Variants in SLC6A15 observed in about 807,000 individuals in gnomAD.
SLC6A15 encodes solute carrier family 6 member 15.
In SLC6A15, 33 loss-of-function variants were observed where a neutral mutation model predicts 68.5. The ratio of observed to expected loss-of-function variants is 0.48; its 90% CI spans 0.37 to 0.64. The LOEUF (loss-of-function observed/expected upper bound fraction) is 0.64, where lower values mean the gene tolerates loss of function less well. SLC6A15 is among the 30% of genes least tolerant of loss of function. SLC6A15 has a pLI of 0.00. For synonymous variants in SLC6A15, 347 were observed against 301.0 expected, an observed-to-expected ratio of 1.15 and a Z score of -1.58; for missense variants, 747 against 874.3, an observed-to-expected ratio of 0.85 and a Z score of 1.84.
chr12:84,886,256 A>C (rs1479990859), intron 2 of SLC6A15, among the ~76,000 whole-genome samples, 188 bp from the exon 3 acceptor site: 1 of 152,148 alleles, frequency 6.6e-6, no homozygotes, highest in African/African-American at 2.4e-5. Context: ...TTCTACAAAG[A>C]GTTTCTGATA....
chr12:84,898,955 C>T (rs1182613941), intron 1 of SLC6A15, among the ~76,000 whole-genome samples: 3 of 152,260 alleles, frequency 2.0e-5, no homozygotes, highest in Middle Eastern at 6.8e-3. Flanking sequence ...ATCAGTTGTT[C>T]TTGAATTCGG....
intron 1 of SLC6A15, among the ~76,000 whole-genome samples, chr12:84,908,537 T>C (rs1405458954): frequency 6.6e-6 from 1 of 150,644 alleles, no homozygotes; most frequent in Non-Finnish European, 1.5e-5. Flanking sequence ...TAAAATATTT[T>C]ATATATTTAT....
chr12:84,888,123 G>A (rs1037358012), intron 2 of SLC6A15, among the ~76,000 whole-genome samples: 4 of 150,976 alleles, frequency 2.6e-5, no homozygotes, highest in Admixed American at 2.6e-4. Flanking sequence ...GCTGAGCGTG[G>A]GCTGCGCGCC....
intron 10 of SLC6A15, among the ~76,000 whole-genome samples, chr12:84,866,324 T>C (rs1373641277): frequency 6.6e-6 from 1 of 152,188 alleles, no homozygotes; most frequent in African/African-American, 2.4e-5. Flanking sequence ...TTCAAATACA[T>C]ACACTTTTCA....
At chr12:84,862,388 C>A (rs1021301180) in intron 11 of SLC6A15, among the ~76,000 whole-genome samples, 6 of 152,148 alleles carry the variant, frequency 3.9e-5, no homozygotes, top group Non-Finnish European at 8.8e-5. Flanking sequence ...CGCTCTTAGC[C>A]ATTAAATTTC....
intron 10 of SLC6A15, among the ~76,000 whole-genome samples, chr12:84,864,320 C>CT (rs551232166): frequency 0.022 from 2,838 of 131,716 alleles, 61 homozygotes; most frequent in African/African-American, 0.056. Flanking sequence ...TTCTTTCTTT[C>CT]TTTTTTTTTT....
intron 10 of SLC6A15, among the ~76,000 whole-genome samples, chr12:84,864,443 C>T (rs1870985886): frequency 6.6e-6 from 1 of 151,668 alleles, no homozygotes; most frequent in African/African-American, 2.4e-5. Context: ...CCTCAGCCTC[C>T]CGAGTAGCTG....
intron 1 of SLC6A15, among the ~76,000 whole-genome samples, chr12:84,896,652 T>A (rs1383417257): frequency 1.3e-5 from 2 of 152,046 alleles, no homozygotes; most frequent in Non-Finnish European, 2.9e-5. Context: ...TAGTTCCAAA[T>A]AATGAAAAAT....
rs1361313190 is a variant in SLC6A15 at position 84,885,804 on chromosome 12, TAA to T, written c.447+105_447+106del. On this transcript the variant is annotated intron_variant, in intron 3 of 11. Transcript: ENST00000266682. Reference sequence around the variant, plus strand: ...GCCAGTAACGTTTTCTAAAACATAGTAAAAGAGTTGTTTATTAACACACACTC... The same window carrying T: ...GCCAGTAACGTTTTCTAAAACATAGTAAGAGTTGTTTATTAACACACACTC... 1.2e-5 allele frequency: 14 copies of T among 1,196,492 alleles called. 1 individual carries two copies. In the Admixed American group the frequency reaches 1.2e-4, roughly 11 times the overall value. 74.1% of individuals were successfully genotyped at this position (1,196,492 alleles called of 1,614,324 possible). A position where few individuals can be genotyped will look rare whatever the true frequency, so the allele number is the denominator to read the frequency against.
At chr12:84,876,462 T>C (rs1348630204) in intron 6 of SLC6A15, 35 bp downstream of exon 6, 3 of 1,057,418 alleles carry the variant, frequency 2.8e-6, no homozygotes, top group Non-Finnish European at 2.8e-6. Flanking sequence ...AATGCTTTCA[T>C]GATCATAAGC....
At chr12:84,875,907 C>G (rs563649593) in intron 6 of SLC6A15, among the ~76,000 whole-genome samples, 1 of 151,096 alleles carries the variant, frequency 6.6e-6, no homozygotes, top group South Asian at 2.1e-4. Context: ...ACTTCACAAG[C>G]TGATTACTAT....
chr12:84,861,632 C>T lies in SLC6A15; in HGVS notation c.2193G>A (p.Ter731=). The T allele has an allele frequency of 6.3e-7, 1 of 1,587,268 alleles. No individual in the cohort carries two copies. The highest frequency in any genetic ancestry group is 8.6e-7 in the Non-Finnish European group (1 of 1,163,326). ...TAAAACCCACTGACTTTTCCCCCAG[C>T]TACAAATCAGATTCTGGCATATCTG... The part of the protein sequence containing the change: ...IMPDMPESDL[*] The change falls in exon 12 of 12, where the codon TAG becomes TAA. Residue 731 remains the stop codon, a stop_retained_variant. Transcript: ENST00000266682.
Position 84,873,451 on chromosome 12 carries a change from C to T in SLC6A15, c.868-123G>A, listed in dbSNP as rs933963933. The stretch of plus-strand genomic sequence containing the variant: ...TTATGCATCCAAAGTTTATTTAAAT[C>T]GGGAAATAATATGTTCTTAAGCATA... On this transcript the variant is annotated intron_variant, in intron 6 of 11. Transcript: ENST00000266682. The T allele has an allele frequency of 4.2e-5, 47 of 1,127,420 alleles. No individual in the cohort carries two copies. The African/African-American group carries it at 5.2e-4, about 13-fold the overall frequency. The allele number at this position is 1,127,420 out of a possible 1,614,324, so 69.8% of individuals were successfully genotyped here. A position where few individuals can be genotyped will look rare whatever the true frequency, so the allele number is the denominator to read the frequency against.
At chr12:84,886,093 G>C (rs767000664) in intron 2 of SLC6A15, 25 bp from the exon 3 acceptor site, 7 of 1,488,774 alleles carry the variant, frequency 4.7e-6, no homozygotes. Flanking sequence ...ACAAAAAATA[G>C]ATTATATTTT....
At chr12:84,878,420 T>C (rs1242714831) in intron 5 of SLC6A15, among the ~76,000 whole-genome samples, 2 of 152,058 alleles carry the variant, frequency 1.3e-5, no homozygotes, top group Admixed American at 6.5e-5. Context: ...ATCCCCTTTA[T>C]GATTCTTCTT....
At chr12:84,900,603 A>G (rs1872816351) in intron 1 of SLC6A15, among the ~76,000 whole-genome samples, 1 of 151,616 alleles carries the variant, frequency 6.6e-6, no homozygotes, top group Non-Finnish European at 1.5e-5. Flanking sequence ...TCCCTTTATT[A>G]GTTTAGAGAA....
At chr12:84,873,393 G>A in intron 6 of SLC6A15, 65 bp from the exon 7 acceptor site, 1 of 1,551,976 alleles carries the variant, frequency 6.4e-7, no homozygotes, top group Non-Finnish European at 8.7e-7. Flanking sequence ...TAATTTTTAT[G>A]GAATTTACTG....
intron 6 of SLC6A15, 46 bp downstream of exon 6, chr12:84,876,451 T>C: frequency 1.0e-6 from 1 of 958,924 alleles, no homozygotes; most frequent in Non-Finnish European, 1.6e-6. Flanking sequence ...ACAATAAACA[T>C]AATGCTTTCA....
intron 1 of SLC6A15, among the ~76,000 whole-genome samples, chr12:84,893,164 G>A (rs1408695987): frequency 2.6e-5 from 4 of 152,068 alleles, no homozygotes; most frequent in Non-Finnish European, 5.9e-5. Context: ...ATGTTTTTAA[G>A]GATCTTATAT....
Sources: allele counts gnomAD v4.1 joint callset (sites outside exome capture counted in the v4.1 genomes callset), GRCh38; gene constraint gnomAD v4.1.1; transcripts MANE v1.5; gene names NCBI Gene and HGNC (gene_info 2026-07-23, HGNC 2026-07-21).